The following EML6 variants were observed in gnomAD, a reference collection of about 807,000 sequenced individuals.
The protein encoded by EML6 is echinoderm microtubule-associated protein-like 6.
In EML6, 154 loss-of-function variants were observed where a neutral mutation model predicts 240.1. The ratio of observed to expected loss-of-function variants is 0.64; its 90% CI spans 0.56 to 0.73. The LOEUF (loss-of-function observed/expected upper bound fraction) is 0.73. EML6 is among the 30% of genes least tolerant of loss of function. EML6 has a pLI of 0.00. For missense variants in EML6, 2,964 were observed against 2,474.6 expected (o/e 1.20, Z -4.20); for synonymous variants, 1,148 against 899.0 (o/e 1.28, Z -4.95).
chr2:54,787,852 G>A (rs905497918), intron 2 of EML6, among the ~76,000 whole-genome samples: 1 of 151,846 alleles, frequency 6.6e-6, no homozygotes, highest in Admixed American at 6.6e-5. Context: ...TGCTCCTTCT[G>A]CATCAATTTT....
At chr2:54,797,181 A>AC in intron 2 of EML6, among the ~76,000 whole-genome samples, 1 of 147,678 alleles carries the variant, frequency 6.8e-6, no homozygotes, top group Admixed American at 6.8e-5. Context: ...AAAAAAAAAA[A>AC]AAAAAAAACT....
chr2:54,882,782 C>A (rs1383822821), intron 17 of EML6: 1 of 142,252 alleles, frequency 7.0e-6, no homozygotes, highest in South Asian at 2.2e-4. Context: ...GGCGTGAACC[C>A]GGGAGGCGGA....
At chr2:54,851,690 T>G (rs116618702) in intron 10 of EML6, among the ~76,000 whole-genome samples, 221 of 152,366 alleles carry the variant, frequency 1.5e-3, no homozygotes, top group African/African-American at 5.1e-3. Context: ...TTTTGCTTTA[T>G]CTGTTATTTC....
Position 54,813,387 on chromosome 2 carries a change from G to C in EML6, c.353G>C (p.Gly118Ala). 6.4e-7 allele frequency: 1 copy of C among 1,550,486 alleles called. No individual in the cohort carries two copies. Among genetic ancestry groups the C allele is most frequent in the South Asian group, 1.2e-5 (1 of 83,888 alleles). The change falls in exon 3 of 42, where the codon GGA (glycine) becomes GCA (alanine). Residue 118 changes from glycine (G) to alanine (A), a missense_variant. Coordinates refer to ENST00000356458, the MANE Select transcript of EML6 (RefSeq NM_001039753.4). Reference sequence around the variant, plus strand: ...GCCTGCCTGGCTTTTGACTCAGATGGACAGGTGTGTATCTTTTTTTAGTTG... The same window carrying C: ...GCCTGCCTGGCTTTTGACTCAGATGCACAGGTGTGTATCTTTTTTTAGTTG... ...GVACLAFDSD[G>A]QRLASVGLDA...
intron 2 of EML6, among the ~76,000 whole-genome samples, chr2:54,761,035 A>G (rs775711615): frequency 6.6e-5 from 10 of 152,110 alleles, no homozygotes; most frequent in Non-Finnish European, 1.2e-4. Flanking sequence ...GTTAATCCCA[A>G]GGCATTTGAG....
chr2:54,958,606 C>T (rs1286429282), intron 33 of EML6, among the ~76,000 whole-genome samples: 1 of 152,146 alleles, frequency 6.6e-6, no homozygotes, highest in Non-Finnish European at 1.5e-5. Context: ...ATATTGGGAA[C>T]AATTTCCACT....
chr2:54,814,955 A>G (rs1219388680), intron 3 of EML6, among the ~76,000 whole-genome samples: 2 of 152,218 alleles, frequency 1.3e-5, no homozygotes, highest in Non-Finnish European at 2.9e-5. Context: ...GCTTGCAGTT[A>G]TATTGACTTC....
chr2:54,919,249 C>CT (rs374714175), intron 26 of EML6, among the ~76,000 whole-genome samples: 5 of 145,166 alleles, frequency 3.4e-5, no homozygotes, highest in African/African-American at 1.3e-4. Context: ...GCTTCCCCCC[C>CT]CCCCCAATCC....
Position 54,755,587 on chromosome 2 carries a change from G to A in EML6, c.197+30329G>A, listed in dbSNP as rs375081865. On this transcript the variant is annotated intron_variant, in intron 2 of 41. Coordinates refer to ENST00000356458, the MANE Select transcript of EML6 (RefSeq NM_001039753.4). ...TGATGTTCATCTCTACGTATTTGAT[G>A]GGTTTTGATGCTATTGCAGATGGTA... 9.9e-5 allele frequency among the ~76,000 whole-genome samples: 15 copies of A among 152,180 alleles called. No homozygotes were observed. In the South Asian group the frequency reaches 2.5e-3, roughly 25 times the overall value.
At chr2:54,959,896 C>G (rs556013186) in intron 34 of EML6, among the ~76,000 whole-genome samples, 1 of 152,198 alleles carries the variant, frequency 6.6e-6, no homozygotes, top group African/African-American at 2.4e-5. Flanking sequence ...AGGGGAGATG[C>G]AGAAGCAAAG....
chr2:54,901,954 G>C (rs1673078509), intron 22 of EML6, among the ~76,000 whole-genome samples: 2 of 152,190 alleles, frequency 1.3e-5, no homozygotes, highest in South Asian at 4.1e-4. Context: ...TAGAGAACAT[G>C]GTTCATGGAG....
At chr2:54,911,928 T>A (rs1400604368) in intron 25 of EML6, among the ~76,000 whole-genome samples, 1 of 152,242 alleles carries the variant, frequency 6.6e-6, no homozygotes, top group East Asian at 1.9e-4. Context: ...CTTTTGTAGA[T>A]GCGTACCTCT....
chr2:54,725,118 C>T lies in EML6; in HGVS notation c.57C>T (p.Tyr19=), dbSNP rs1467311346. Residue 19 remains tyrosine, a synonymous_variant, in exon 2 of 42, where the codon TAC becomes TAT. Transcript: ENST00000356458. This position sits in a 1 kb window ranked among gnomAD's most constrained non-coding sequence, Gnocchi z 4.3. ...TCCGGCTGGAGTGGGTGTACGGGTA[C>T]CGGGGTCACCAGTGCCGCAACAACC... ...CQLRLEWVYG[Y]RGHQCRNNLY... 6.5e-7 allele frequency: 1 copy of T among 1,540,516 alleles called. No individual in the cohort carries two copies. The highest frequency in any genetic ancestry group is 8.8e-7 in the Non-Finnish European group (1 of 1,142,126).
chr2:54,761,775 G>A (rs777531913), intron 2 of EML6, among the ~76,000 whole-genome samples: 4 of 151,848 alleles, frequency 2.6e-5, no homozygotes, highest in Non-Finnish European at 5.9e-5. Flanking sequence ...AGCAAGAATA[G>A]TCCACAGATT....
chr2:54,885,818 A>T (rs537867398), intron 17 of EML6, among the ~76,000 whole-genome samples: 79 of 151,738 alleles, frequency 5.2e-4, no homozygotes, highest in African/African-American at 1.6e-3. Context: ...TCACCGTGTT[A>T]GCCAGGATGG....
chr2:54,957,430 G>C (rs574549265), intron 32 of EML6, among the ~76,000 whole-genome samples: 7 of 150,744 alleles, frequency 4.6e-5, no homozygotes, highest in Admixed American at 1.3e-4. Flanking sequence ...GTCATCCTGT[G>C]GGGGGACGAC....
chr2:54,925,728 G>A (rs1050769106), intron 26 of EML6, among the ~76,000 whole-genome samples: 2 of 152,086 alleles, frequency 1.3e-5, no homozygotes, highest in African/African-American at 4.8e-5. Flanking sequence ...ACAGGAGCAC[G>A]ACCCATTTTT....
At chr2:54,883,758 G>A (rs1293964127) in intron 17 of EML6, among the ~76,000 whole-genome samples, 1 of 152,148 alleles carries the variant, frequency 6.6e-6, no homozygotes, top group African/African-American at 2.4e-5. Flanking sequence ...ACACTTGCAG[G>A]CAACTTCCCT....
chr2:54,805,622 CTG>C (rs1461535124), intron 2 of EML6, among the ~76,000 whole-genome samples: 1 of 151,918 alleles, frequency 6.6e-6, no homozygotes. Context: ...TTCTCCTAGT[CTG>C]TGTTTTGCAT....
Sources: gnomAD v4.1 joint callset for allele counts (sites outside exome capture counted in the v4.1 genomes callset) on GRCh38, gnomAD v4.1.1 for gene constraint, Gnocchi (gnomAD v3.1) non-coding constraint, MANE v1.5 for transcripts, NCBI Gene and HGNC (gene_info 2026-07-23, HGNC 2026-07-21) for gene names.